The following ANKRD55 variants were observed in gnomAD, a reference collection of about 807,000 sequenced individuals.
The protein encoded by ANKRD55 is ankyrin repeat domain 55.
Under a neutral mutation model 60.6 loss-of-function variants are expected in ANKRD55, and 41 were observed. The ratio of observed to expected loss-of-function variants is 0.68; its 90% CI spans 0.53 to 0.88. The LOEUF (loss-of-function observed/expected upper bound fraction) is 0.88. Among genes scored for constraint, ANKRD55 ranks in the 40% least tolerant of loss-of-function variants. ANKRD55 has a pLI of 0.00. For missense variants in ANKRD55, 732 were observed against 767.6 expected (o/e 0.95, Z 0.55); for synonymous variants, 264 against 290.3 (o/e 0.91, Z 0.92).
chr5:56,226,353 A>G (rs1166482878), intron 2 of ANKRD55, among the ~76,000 whole-genome samples: 4 of 152,232 alleles, frequency 2.6e-5, no homozygotes, highest in Non-Finnish European at 5.9e-5. Flanking sequence ...AAATACTTAA[A>G]TGTCAGACCT....
intron 2 of ANKRD55, among the ~76,000 whole-genome samples, chr5:56,219,366 A>T (rs1216058937): frequency 1.3e-5 from 2 of 152,300 alleles, no homozygotes; most frequent in Non-Finnish European, 2.9e-5. Flanking sequence ...CACACTTAGA[A>T]ATGGAAGTAC....
At chr5:56,179,178 A>G (rs573134746) in intron 3 of ANKRD55, among the ~76,000 whole-genome samples, 9 of 152,366 alleles carry the variant, frequency 5.9e-5, no homozygotes, top group Admixed American at 5.9e-4. Context: ...TATGCAAAGA[A>G]GTGTCATAGA....
At chr5:56,232,441 G>A (rs1275137890) in intron 2 of ANKRD55, among the ~76,000 whole-genome samples, 3 of 152,034 alleles carry the variant, frequency 2.0e-5, no homozygotes, top group African/African-American at 4.8e-5. Flanking sequence ...TGGGCTAATC[G>A]AATGACAAAA....
At chr5:56,135,276 C>CTT (rs1561263854) in intron 7 of ANKRD55, among the ~76,000 whole-genome samples, 2,246 of 93,328 alleles carry the variant, frequency 0.024, 86 homozygotes, top group Non-Finnish European at 0.029. Context: ...CCCTCCCTCC[C>CTT]TCCCTGCCTG....
At chr5:56,231,692 CACACATACACATACACAA>C (rs1324332883) in intron 2 of ANKRD55, among the ~76,000 whole-genome samples, 34 of 112,182 alleles carry the variant, frequency 3.0e-4, no homozygotes, top group African/African-American at 1.2e-3. Context: ...CACACACACA[CACACATACACATACACAA>C]ACACTATTCC....
intron 2 of ANKRD55, chr5:56,193,290 A>G: frequency 9.2e-7 from 1 of 1,090,276 alleles, no homozygotes; most frequent in Non-Finnish European, 1.3e-6. Flanking sequence ...AGATGCATGG[A>G]AATTATAAAT....
intron 2 of ANKRD55, among the ~76,000 whole-genome samples, chr5:56,197,566 A>G (rs961883980): frequency 6.6e-6 from 1 of 152,178 alleles, no homozygotes; most frequent in Non-Finnish European, 1.5e-5. Context: ...TGTATTCACT[A>G]TCTTTTAGAT....
rs190230138 is a variant in ANKRD55 at position 56,153,117 on chromosome 5, C to T, written c.483+6716G>A. Among the ~76,000 whole-genome samples the T allele has an allele frequency of 3.2e-3, 479 of 151,624 alleles. 3 individuals carry two copies. Among genetic ancestry groups the T allele is most frequent in the African/African-American group, 0.011 (444 of 41,278 alleles). ...AATGACAACCCAATGGATCAATCGA[C>T]AAAGAATGTAAACAGGCAAGTCACA... On this transcript the variant is annotated intron_variant, in intron 6 of 11. Coordinates refer to ENST00000341048, the MANE Select transcript of ANKRD55 (RefSeq NM_024669.3).
At chr5:56,158,160 G>A (rs1758242370) in intron 6 of ANKRD55, among the ~76,000 whole-genome samples, 1 of 151,512 alleles carries the variant, frequency 6.6e-6, no homozygotes, top group Non-Finnish European at 1.5e-5. Flanking sequence ...CAGCCTGGGC[G>A]ACAGAGTAAG....
chr5:56,221,662 C>T (rs1023146790), intron 2 of ANKRD55, among the ~76,000 whole-genome samples: 11 of 152,246 alleles, frequency 7.2e-5, no homozygotes, highest in Non-Finnish European at 1.0e-4. Flanking sequence ...CTGTGCTTTT[C>T]CAACCATCTT....
At chr5:56,176,426 G>A in intron 3 of ANKRD55, 144 bp from the exon 4 acceptor site, 1 of 840,250 alleles carries the variant, frequency 1.2e-6, no homozygotes, top group East Asian at 2.5e-5. Context: ...GAAGCTGATT[G>A]TTGCTACATC....
chr5:56,152,663 G>C (rs1170885194), intron 6 of ANKRD55, among the ~76,000 whole-genome samples: 4 of 152,098 alleles, frequency 2.6e-5, no homozygotes, highest in Non-Finnish European at 5.9e-5. Flanking sequence ...AAAGCACAAA[G>C]GACAATCTGA....
intron 2 of ANKRD55, among the ~76,000 whole-genome samples, chr5:56,215,852 T>G (rs1210674536): frequency 3.9e-5 from 6 of 152,060 alleles, no homozygotes; most frequent in African/African-American, 1.5e-4. Context: ...GAGTGATAGC[T>G]CTTTTTTTAA....
intron 2 of ANKRD55, among the ~76,000 whole-genome samples, chr5:56,207,708 G>C (rs965310214): frequency 6.6e-6 from 1 of 152,154 alleles, no homozygotes; most frequent in African/African-American, 2.4e-5. Context: ...ACTAGTGTAG[G>C]GCACATAGCA....
intron 2 of ANKRD55, chr5:56,193,388 C>G (rs1244123568): frequency 1.5e-6 from 1 of 665,172 alleles, no homozygotes; most frequent in Non-Finnish European, 2.6e-6. Context: ...GGTTATCTAC[C>G]TAGAACCTTT....
intron 8 of ANKRD55, among the ~76,000 whole-genome samples, chr5:56,126,346 C>G (rs1473324838): frequency 2.0e-5 from 3 of 152,118 alleles, no homozygotes; most frequent in Non-Finnish European, 4.4e-5. Flanking sequence ...AGATGAAAAG[C>G]TACAAGTTTG....
intron 2 of ANKRD55, among the ~76,000 whole-genome samples, chr5:56,198,009 T>C (rs1349396494): frequency 6.6e-6 from 1 of 152,226 alleles, no homozygotes; most frequent in Admixed American, 6.5e-5. Context: ...ATTAGACTAT[T>C]ATTCTTTGAC....
rs139617423 is a variant in ANKRD55, at chr5:56,124,530, C to T, written c.797+2392G>A. Reference sequence around the variant, plus strand: ...TGTTTTTTTTAATTTTTTTTTGAGACGGAGTCTCGCTCTGTCATCCAGGCT... The same window carrying T: ...TGTTTTTTTTAATTTTTTTTTGAGATGGAGTCTCGCTCTGTCATCCAGGCT... On this transcript the variant is annotated intron_variant, in intron 8 of 11. Coordinates refer to ENST00000341048, the MANE Select transcript of ANKRD55 (RefSeq NM_024669.3). 7.3e-3 allele frequency among the ~76,000 whole-genome samples: 1,103 copies of T among 151,826 alleles called. 10 individuals carry two copies. Among genetic ancestry groups the T allele is most frequent in the Non-Finnish European group, 0.012 (797 of 67,962 alleles).
intron 9 of ANKRD55, among the ~76,000 whole-genome samples, chr5:56,115,253 C>T (rs1358642828): frequency 6.7e-6 from 1 of 150,222 alleles, no homozygotes; most frequent in Non-Finnish European, 1.5e-5. Flanking sequence ...AACCCCCAAA[C>T]CAAAAAACAA....
Sources: allele counts gnomAD v4.1 joint callset (sites outside exome capture counted in the v4.1 genomes callset), GRCh38; gene constraint gnomAD v4.1.1; transcripts MANE v1.5; gene names NCBI Gene and HGNC (gene_info 2026-07-23, HGNC 2026-07-21).